ZNF184: variants seen among roughly 807,000 people sequenced by gnomAD.
ZNF184 encodes zinc finger protein 184 (Kruppel-like).
A neutral mutation model predicts 54.4 loss-of-function variants in ZNF184; 16 were observed. The ratio of observed to expected loss-of-function variants is 0.29; its 90% CI spans 0.20 to 0.45. The LOEUF (loss-of-function observed/expected upper bound fraction) is 0.45, where lower values mean the gene tolerates loss of function less well. Ranked by LOEUF, ZNF184 falls within the 20% of genes least tolerant of loss-of-function variation. The pLI is 1.00. For synonymous variants in ZNF184, 254 were observed against 295.3 expected, an observed-to-expected ratio of 0.86 and a Z score of 1.43; for missense variants, 681 against 888.2, an observed-to-expected ratio of 0.77 and a Z score of 2.97.
chr6:27,466,602 T>C (rs1763144790), intron 3 of ZNF184, among the ~76,000 whole-genome samples: 1 of 152,122 alleles, frequency 6.6e-6, no homozygotes. Context: ...GTTTCATGAA[T>C]GTATACATGA....
chr6:27,457,060 G>T (rs1023474952), intron 4 of ZNF184, 139 bp from the exon 5 acceptor site: 1 of 945,288 alleles, frequency 1.1e-6, no homozygotes, highest in African/African-American at 1.7e-5. Context: ...AAGCTTTAGT[G>T]TTACCAGTTC....
chr6:27,439,754 GA>G, the ZNF184 span, among the ~76,000 whole-genome samples: 23 of 152,086 alleles, frequency 1.5e-4, no homozygotes, highest in Non-Finnish European at 3.2e-4. Context: ...ATAACAATTA[GA>G]CTTTATCATA....
At chr6:27,454,067 AAAC>A (rs1254423117) in intron 5 of ZNF184, among the ~76,000 whole-genome samples, 1 of 152,236 alleles carries the variant, frequency 6.6e-6, no homozygotes, top group Non-Finnish European at 1.5e-5. Flanking sequence ...CAAACACATA[AAAC>A]AACAGAAGAA....
the ZNF184 span, among the ~76,000 whole-genome samples, chr6:27,428,612 A>C: frequency 1.3e-5 from 2 of 152,242 alleles, no homozygotes; most frequent in Admixed American, 6.5e-5. This position sits in a 1 kb window ranked among gnomAD's most constrained non-coding sequence, Gnocchi z 4.1. Context: ...ACATTTGAGG[A>C]AACCAAATGC....
At chr6:27,447,328 G>A (rs188489529), downstream of ZNF184, among the ~76,000 whole-genome samples, 1 of 152,122 alleles carries the variant, frequency 6.6e-6, no homozygotes, top group Admixed American at 6.5e-5. Context: ...GAGGGTCAGG[G>A]GCAAAATTCT....
At chr6:27,416,258 T>C in the ZNF184 span, among the ~76,000 whole-genome samples, 1 of 152,224 alleles carries the variant, frequency 6.6e-6, no homozygotes, top group South Asian at 2.1e-4. Context: ...GGCTGCCTGA[T>C]AGGACTATCG....
chr6:27,447,608 G>A (rs1308230449), downstream of ZNF184, among the ~76,000 whole-genome samples: 1 of 152,046 alleles, frequency 6.6e-6, no homozygotes, highest in Non-Finnish European at 1.5e-5. Context: ...AGCTACTCGG[G>A]AGGCTGAGGC....
At chr6:27,448,093 TTTA>T (rs1762658543), downstream of ZNF184, among the ~76,000 whole-genome samples, 1 of 152,216 alleles carries the variant, frequency 6.6e-6, no homozygotes, top group Non-Finnish European at 1.5e-5. Flanking sequence ...TCTTTTGTTT[TTTA>T]TTAAGTTAAA....
chr6:27,449,730 G>A (rs1269359380), downstream of ZNF184, among the ~76,000 whole-genome samples: 1 of 151,976 alleles, frequency 6.6e-6, no homozygotes, highest in African/African-American at 2.4e-5. Flanking sequence ...CAGCCTGGGT[G>A]ACAGAGCAAG....
chr6:27,421,293 G>C, the ZNF184 span, among the ~76,000 whole-genome samples: 1 of 152,208 alleles, frequency 6.6e-6, no homozygotes, highest in Non-Finnish European at 1.5e-5. Flanking sequence ...TACCATTGAA[G>C]GAAGTTGATA....
the ZNF184 span, among the ~76,000 whole-genome samples, chr6:27,428,713 A>T: frequency 6.6e-6 from 1 of 152,176 alleles, no homozygotes; most frequent in Non-Finnish European, 1.5e-5. The surrounding 1 kb of genome is among the most constrained non-coding windows in gnomAD (Gnocchi z 4.1). Context: ...CAGGAAACCC[A>T]CGTTTCTAGT....
chr6:27,466,287 A>G (rs1183407553), intron 3 of ZNF184, among the ~76,000 whole-genome samples: 1 of 152,244 alleles, frequency 6.6e-6, no homozygotes, highest in Non-Finnish European at 1.5e-5. Context: ...GAACCTTCAG[A>G]AGAATGCTGT....
At chr6:27,411,230 A>G in the ZNF184 span, among the ~76,000 whole-genome samples, 20 of 152,116 alleles carry the variant, frequency 1.3e-4, no homozygotes, top group African/African-American at 4.6e-4. Flanking sequence ...AGAGGCTTAA[A>G]ACTCCAGGCC....
the ZNF184 span, among the ~76,000 whole-genome samples, chr6:27,440,070 T>C: frequency 6.6e-6 from 1 of 152,236 alleles, no homozygotes. Flanking sequence ...AACTCATGTA[T>C]CCAATATTTT....
At position 27,452,749 on chromosome 6, in the gene ZNF184, T is replaced by G; in HGVS notation, c.810A>C (p.Arg270Ser). ...SRSENLINHQRIHTGDKPYKC... is the reference protein window; with the variant it reads ...SRSENLINHQSIHTGDKPYKC... ...TATATGGTTTATCTCCAGTATGAATTCTTTGATGGTTTATAAGGTTTTCAC... is the reference window on the plus strand; with the variant it reads ...TATATGGTTTATCTCCAGTATGAATGCTTTGATGGTTTATAAGGTTTTCAC... Residue 270 changes from arginine to serine, a missense_variant, in exon 6 of 6, where the codon AGA becomes AGC. Arg to Ser is a moderately radical substitution (Grantham distance 110, BLOSUM62 -1). Transcript: ENST00000683788. This position sits in a 1 kb window ranked among gnomAD's most constrained non-coding sequence, Gnocchi z 5.5. 1 of 1,614,024 alleles carries G rather than the reference T, an allele frequency of 6.2e-7. No individual in the cohort carries two copies. Among genetic ancestry groups the G allele is most frequent in the Admixed American group, 1.7e-5 (1 of 59,994 alleles).
At chr6:27,408,039 G>A in the ZNF184 span, 15 of 929,330 alleles carry the variant, frequency 1.6e-5, no homozygotes, top group African/African-American at 2.3e-4. Context: ...ATGTGACCTG[G>A]GATAATGTGA....
the ZNF184 span, among the ~76,000 whole-genome samples, chr6:27,442,986 TA>T: frequency 0.017 from 2,574 of 152,256 alleles, 45 homozygotes; most frequent in African/African-American, 0.044. Flanking sequence ...CTCTTTACTG[TA>T]ACATTTCAGA....
At position 27,472,236 on chromosome 6, in the gene ZNF184, G is replaced by C. The variant is rs1763293989; in HGVS notation, c.7+52C>G. 6.2e-7 allele frequency: 1 copy of C among 1,611,894 alleles called. No individual in the cohort carries two copies. The highest frequency in any genetic ancestry group is 2.2e-5 in the East Asian group (1 of 44,812). On this transcript the variant is annotated intron_variant, in intron 2 of 5. Transcript: ENST00000683788. This position sits in a 1 kb window ranked among gnomAD's most constrained non-coding sequence, Gnocchi z 4.8. ...CTCAAGTATTTGATACTCCAGTCAT[G>C]ACTGTTCTCAAGCCTCCATCACCCC...
At chr6:27,459,397 A>G (rs533627309) in intron 3 of ZNF184, among the ~76,000 whole-genome samples, 8 of 152,260 alleles carry the variant, frequency 5.3e-5, no homozygotes, top group African/African-American at 1.9e-4. Context: ...GAAAAAAAAA[A>G]GATCAACTAC....
Sources: gnomAD v4.1 joint callset for allele counts (sites outside exome capture counted in the v4.1 genomes callset) on GRCh38, gnomAD v4.1.1 for gene constraint, Gnocchi (gnomAD v3.1) non-coding constraint, MANE v1.5 for transcripts, NCBI Gene and HGNC (gene_info 2026-07-23, HGNC 2026-07-21) for gene names.